Variants in SDHA observed in about 807,000 individuals in gnomAD.
SDHA encodes the protein succinate dehydrogenase [ubiquinone] flavoprotein subunit, mitochondrial.
SDHA carries 48 observed loss-of-function variants against 78.4 expected under a neutral mutation model. The ratio of observed to expected loss-of-function variants is 0.61; its 90% CI spans 0.49 to 0.78. The LOEUF (loss-of-function observed/expected upper bound fraction) is 0.78. Among genes scored for constraint, SDHA ranks in the 30% least tolerant of loss-of-function variants. SDHA has a pLI of 0.00. For missense variants in SDHA, 680 were observed against 892.7 expected (o/e 0.76, Z 3.04); for synonymous variants, 326 against 353.9 (o/e 0.92, Z 0.88).
chr5:222,058 T>G (rs1262977665), intron 1 of SDHA, among the ~76,000 whole-genome samples: 1 of 124,402 alleles, frequency 8.0e-6, no homozygotes, highest in Admixed American at 7.3e-5. Context: ...TTCAAGAACA[T>G]TTGTATTAAA....
At chr5:219,893 T>C (rs1475175759) in intron 1 of SDHA, among the ~76,000 whole-genome samples, 7 of 151,474 alleles carry the variant, frequency 4.6e-5, no homozygotes, top group East Asian at 1.9e-4. Flanking sequence ...TTGGGTTTTG[T>C]AAAAGTCTTT....
chr5:243,368 A>G (rs1736257587), intron 11 of SDHA, among the ~76,000 whole-genome samples: 1 of 152,180 alleles, frequency 6.6e-6, no homozygotes, highest in African/African-American at 2.4e-5. Flanking sequence ...ACTCCTGCTC[A>G]GTTCTTACAA....
chr5:232,007 G>A (rs10071431), intron 7 of SDHA, among the ~76,000 whole-genome samples: 36,167 of 151,898 alleles, frequency 0.24, 6,802 homozygotes, highest in African/African-American at 0.52. Flanking sequence ...AGGTTCTTCA[G>A]AATGAGTCAG....
At chr5:247,568 C>G (rs1736539374) in intron 11 of SDHA, among the ~76,000 whole-genome samples, 1 of 152,226 alleles carries the variant, frequency 6.6e-6, no homozygotes, top group South Asian at 2.1e-4. Context: ...TGGTACATTC[C>G]TCATCTTTTA....
rs187902191 is a variant in SDHA at position 247,429 on chromosome 5, C to A, written c.1552-3563C>A. ...AATCAAATGGCTGATCGCCTAGTTG[C>A]TACTGCAATATCTAATGCTAGACAC... On this transcript the variant is annotated intron_variant, in intron 11 of 14. Transcript: ENST00000264932. Among the ~76,000 whole-genome samples the A allele has an allele frequency of 3.5e-3, 526 of 152,348 alleles. 1 individual carries two copies. Among genetic ancestry groups the A allele is most frequent in the African/African-American group, 0.012 (492 of 41,580 alleles).
At chr5:223,949 G>A (rs1157434655) in intron 2 of SDHA, among the ~76,000 whole-genome samples, 1 of 151,790 alleles carries the variant, frequency 6.6e-6, no homozygotes, top group African/African-American at 2.4e-5. Context: ...ATAGGATGGT[G>A]GGGCCCCTCG....
intron 9 of SDHA, 184 bp downstream of exon 9, chr5:235,523 T>G: frequency 1.5e-6 from 1 of 668,832 alleles, no homozygotes; most frequent in Non-Finnish European, 2.7e-6. Flanking sequence ...TAATAATTTA[T>G]TCCTCCTTAG....
intron 3 of SDHA, chr5:224,887 C>T (rs1431864063): frequency 5.5e-6 from 2 of 365,290 alleles, no homozygotes; most frequent in Non-Finnish European, 1.0e-5. Context: ...TTCATTTGTC[C>T]CTGTGCTTCT....
intron 1 of SDHA, among the ~76,000 whole-genome samples, chr5:221,101 C>T (rs1418444246): frequency 6.6e-6 from 1 of 152,138 alleles, no homozygotes; most frequent in African/African-American, 2.4e-5. Context: ...GTGTGAGCCA[C>T]CACGCCCGGC....
chr5:264,888 ATAAC>A, the SDHA span, among the ~76,000 whole-genome samples: 1 of 142,560 alleles, frequency 7.0e-6, no homozygotes, highest in African/African-American at 2.6e-5. Context: ...AGTTAAAACT[ATAAC>A]TAATTATGTT....
Position 250,999 on chromosome 5 carries a change from A to G in SDHA, c.1559A>G (p.Gln520Arg). Residue 520 changes from glutamine to arginine, a missense_variant, in exon 12 of 15, where the codon CAA becomes CGA. Physicochemically the swap from Gln to Arg is conservative, Grantham distance 43 (BLOSUM62 1). Transcript: ENST00000264932. ...TAATATTTTGTGCCACAGTCAATGC[A>G]AAATCATGCTGCCGTGTTCCGTGTG... ...ELRLSMQKSM[Q>R]NHAAVFRVGS... 1 of 1,611,992 alleles carries G rather than the reference A, an allele frequency of 6.2e-7. No individual in the cohort carries two copies. The highest frequency in any genetic ancestry group is 1.1e-5 in the South Asian group (1 of 90,992).
intron 1 of SDHA, among the ~76,000 whole-genome samples, chr5:222,770 C>G (rs911249648): frequency 6.6e-6 from 1 of 152,228 alleles, no homozygotes; most frequent in African/African-American, 2.4e-5. Context: ...CTCTCTCACA[C>G]AGAGCCACTA....
chr5:240,583 G>T, intron 11 of SDHA, 107 bp downstream of exon 11: 2 of 775,052 alleles, frequency 2.6e-6, no homozygotes, highest in Admixed American at 1.8e-5. Flanking sequence ...GTGCAGTTTT[G>T]TGTGGATGTA....
intron 5 of SDHA, among the ~76,000 whole-genome samples, 192 bp downstream of exon 5, chr5:226,239 A>C (rs1270872351): frequency 6.6e-6 from 1 of 152,204 alleles, no homozygotes; most frequent in Non-Finnish European, 1.5e-5. Flanking sequence ...AGCTGTCCCT[A>C]AGGCAGTGTG....
chr5:225,712 T>G lies in SDHA; in HGVS notation c.456+150T>G, dbSNP rs1734977200. 4.5e-6 allele frequency: 6 copies of G among 1,321,032 alleles called. No individual in the cohort carries two copies. In the Admixed American group the frequency reaches 1.1e-4, roughly 24 times the overall value. 81.8% of individuals were successfully genotyped at this position (1,321,032 alleles called of 1,614,324 possible). On this transcript the variant is annotated intron_variant, in intron 4 of 14. Transcript: ENST00000264932. Reference sequence around the variant, plus strand: ...AGAAGAGTCTTTTTCCGTTATGAACTATGCATTATATGTAACAAGAAAACT... The same window carrying G: ...AGAAGAGTCTTTTTCCGTTATGAACGATGCATTATATGTAACAAGAAAACT...
intron 5 of SDHA, among the ~76,000 whole-genome samples, chr5:227,394 A>G (rs940020033): frequency 1.3e-5 from 2 of 152,272 alleles, no homozygotes; most frequent in African/African-American, 2.4e-5. Flanking sequence ...CAACTTTGGC[A>G]TGGCCAAATA....
At chr5:238,330 G>C (rs1434878054) in intron 10 of SDHA, among the ~76,000 whole-genome samples, 3 of 151,282 alleles carry the variant, frequency 2.0e-5, no homozygotes, top group Non-Finnish European at 4.4e-5. Flanking sequence ...TTATTTTACT[G>C]TATCTTTATG....
chr5:264,827 C>T, the SDHA span, among the ~76,000 whole-genome samples: 1 of 152,212 alleles, frequency 6.6e-6, no homozygotes, highest in African/African-American at 2.4e-5. Flanking sequence ...TCAATCATCT[C>T]CTTGTTACTT....
chr5:225,609 CA>C (rs749893972), intron 4 of SDHA, 47 bp downstream of exon 4: 1 of 1,612,918 alleles, frequency 6.2e-7, no homozygotes, highest in South Asian at 1.1e-5. Flanking sequence ...GTTTCTAGTA[CA>C]AAAGAATCCT....
Sources: gnomAD v4.1 joint callset for allele counts (sites outside exome capture counted in the v4.1 genomes callset) on GRCh38, gnomAD v4.1.1 for gene constraint, MANE v1.5 for transcripts, NCBI Gene and HGNC (gene_info 2026-07-23, HGNC 2026-07-21) for gene names.